CNTN5: variants seen among roughly 807,000 people sequenced by gnomAD.
CNTN5 encodes the protein contactin 5.
A neutral mutation model predicts 129.1 loss-of-function variants in CNTN5; 77 were observed. That is an observed-to-expected ratio of 0.60 (90% CI 0.50 to 0.72). CNTN5 has a LOEUF of 0.72. Ranked by LOEUF, CNTN5 falls within the 30% of genes least tolerant of loss-of-function variation. The pLI is 0.00. For synonymous variants in CNTN5, 509 were observed against 465.6 expected (o/e 1.09, Z -1.20); for missense variants, 1,478 against 1,328.8 (o/e 1.11, Z -1.75).
chr11:99,692,423 AC>A (rs1266731966), intron 3 of CNTN5, among the ~76,000 whole-genome samples: 1 of 152,040 alleles, frequency 6.6e-6, no homozygotes, highest in Non-Finnish European at 1.5e-5. Context: ...CACTTGTAAC[AC>A]CGGTCTGGTG....
chr11:100,271,213 A>G lies in CNTN5; in HGVS notation c.2286A>G (p.Pro762=). 3 of 1,610,652 alleles carry G rather than the reference A, an allele frequency of 1.9e-6. No individual in the cohort carries two copies. The highest frequency in any genetic ancestry group is 2.5e-6 in the Non-Finnish European group (3 of 1,178,896). The part of the protein sequence containing the change: ...NPIGTGDPST[P]SRMIRTNEAV... ...TTGGGACAGGAGATCCAAGCACCCC[A>G]TCTCGAATGATCCGCACAAATGAAG... is the stretch of plus-strand genomic sequence containing the variant. Residue 762 remains proline (P), a synonymous_variant, in exon 18 of 25, where the codon CCA becomes CCG. Coordinates refer to ENST00000524871, the MANE Select transcript of CNTN5 (RefSeq NM_014361.4).
intron 13 of CNTN5, among the ~76,000 whole-genome samples, chr11:100,160,515 A>T (rs947940932): frequency 6.6e-6 from 1 of 151,978 alleles, no homozygotes; most frequent in African/African-American, 2.4e-5. Flanking sequence ...GATTCCCAGT[A>T]GAAATGTAGT....
intron 1 of CNTN5, among the ~76,000 whole-genome samples, chr11:99,319,346 T>C (rs1591516796): frequency 6.6e-6 from 1 of 152,200 alleles, no homozygotes; most frequent in African/African-American, 2.4e-5. Flanking sequence ...TAGTCGCCCA[T>C]TGGTGTTTGA....
At chr11:99,449,035 G>T (rs1015812687) in intron 2 of CNTN5, among the ~76,000 whole-genome samples, 3 of 151,930 alleles carry the variant, frequency 2.0e-5, no homozygotes, top group Non-Finnish European at 4.4e-5. Context: ...CGCCTGTCTT[G>T]GTCTCCAAAG....
chr11:100,041,050 AC>A (rs1942351159), intron 9 of CNTN5, among the ~76,000 whole-genome samples: 1 of 152,028 alleles, frequency 6.6e-6, no homozygotes, highest in Non-Finnish European at 1.5e-5. Flanking sequence ...TGCAGAAATC[AC>A]CCATCTTCTG....
intron 13 of CNTN5, among the ~76,000 whole-genome samples, chr11:100,150,569 T>C (rs889037608): frequency 3.3e-5 from 5 of 152,046 alleles, no homozygotes; most frequent in Admixed American, 6.6e-5. Flanking sequence ...TAGTTATTTT[T>C]TGTGCCTTTT....
chr11:99,244,070 A>G (rs140890612), intron 1 of CNTN5, among the ~76,000 whole-genome samples: 2 of 152,206 alleles, frequency 1.3e-5, no homozygotes, highest in Admixed American at 6.5e-5. Flanking sequence ...GGCCATTTTA[A>G]TGATATTGAT....
At chr11:100,160,846 G>T (rs1049840169) in intron 13 of CNTN5, among the ~76,000 whole-genome samples, 1 of 151,736 alleles carries the variant, frequency 6.6e-6, no homozygotes, top group African/African-American at 2.4e-5. Context: ...TGCCACTAAC[G>T]AGCAACGTTT....
chr11:99,870,338 C>T (rs1948470716), intron 6 of CNTN5, among the ~76,000 whole-genome samples: 1 of 152,008 alleles, frequency 6.6e-6, no homozygotes, highest in African/African-American at 2.4e-5. Context: ...TTCACTCTTC[C>T]ACTCCTTACA....
chr11:99,491,714 G>T (rs1460178057), intron 2 of CNTN5, among the ~76,000 whole-genome samples: 2 of 152,114 alleles, frequency 1.3e-5, no homozygotes. Context: ...CTAACTATTA[G>T]GCTGACTGTC....
intron 13 of CNTN5, among the ~76,000 whole-genome samples, chr11:100,114,835 G>A (rs946329440): frequency 6.6e-6 from 1 of 152,004 alleles, no homozygotes. Flanking sequence ...ACTATGCTTA[G>A]TGCTTTATAA....
At chr11:99,237,750 T>C (rs940427905) in intron 1 of CNTN5, among the ~76,000 whole-genome samples, 1 of 152,160 alleles carries the variant, frequency 6.6e-6, no homozygotes, top group Non-Finnish European at 1.5e-5. Context: ...AATTTAAAAA[T>C]AAAAACAAAA....
At chr11:99,872,446 A>G (rs943609948) in intron 6 of CNTN5, among the ~76,000 whole-genome samples, 1 of 152,170 alleles carries the variant, frequency 6.6e-6, no homozygotes, top group African/African-American at 2.4e-5. Context: ...TTAAAATATT[A>G]AACACCTATG....
At chr11:99,829,936 A>G (rs1478783248) in intron 4 of CNTN5, among the ~76,000 whole-genome samples, 1 of 152,188 alleles carries the variant, frequency 6.6e-6, no homozygotes, top group African/African-American at 2.4e-5. Context: ...CTCTATAAAT[A>G]TAAACTGATC....
At chr11:99,772,998 G>A (rs983685213) in intron 3 of CNTN5, among the ~76,000 whole-genome samples, 2 of 151,954 alleles carry the variant, frequency 1.3e-5, no homozygotes, top group African/African-American at 2.4e-5. Context: ...TACACATAAT[G>A]TATAACTTAC....
intron 8 of CNTN5, among the ~76,000 whole-genome samples, chr11:99,965,777 A>G (rs1458599640): frequency 2.0e-5 from 3 of 152,100 alleles, no homozygotes; most frequent in African/African-American, 4.8e-5. Context: ...GTCTCCCACT[A>G]TTGTGTGGGA....
chr11:100,070,091 G>A (rs151322230), intron 10 of CNTN5, among the ~76,000 whole-genome samples: 1 of 149,908 alleles, frequency 6.7e-6, no homozygotes, highest in East Asian at 2.0e-4. Context: ...CATTGAAAGA[G>A]CAATTGACTC....
intron 13 of CNTN5, among the ~76,000 whole-genome samples, chr11:100,135,748 G>A (rs11826040): frequency 0.02 from 3,101 of 152,148 alleles, 96 homozygotes; most frequent in African/African-American, 0.071. Context: ...GCTGTTTTCT[G>A]ACTAGCAAAT....
At chr11:99,833,508 CTT>C (rs1249463607) in intron 4 of CNTN5, among the ~76,000 whole-genome samples, 2 of 152,124 alleles carry the variant, frequency 1.3e-5, no homozygotes, top group African/African-American at 2.4e-5. Context: ...TGTTAGATGA[CTT>C]TGCTTAACTG....
Sources: gnomAD v4.1 joint callset for allele counts (sites outside exome capture counted in the v4.1 genomes callset) on GRCh38, gnomAD v4.1.1 for gene constraint, MANE v1.5 for transcripts, NCBI Gene and HGNC (gene_info 2026-07-23, HGNC 2026-07-21) for gene names.